SGK3: variants seen among roughly 807,000 people sequenced by gnomAD.
SGK3 encodes serine/threonine-protein kinase Sgk3.
A neutral mutation model predicts 68.5 loss-of-function variants in SGK3; 47 were observed. The observed-to-expected ratio is 0.69, with a 90% CI of 0.54 to 0.87. The LOEUF is 0.87. Ranked by LOEUF, SGK3 falls within the 40% of genes least tolerant of loss-of-function variation. The probability of loss-of-function intolerance (pLI) is 0.00; values close to 1 mark genes in which losing one functional copy is unlikely to be tolerated. For missense variants in SGK3, 479 were observed against 575.5 expected, an observed-to-expected ratio of 0.83 and a Z score of 1.72; for synonymous variants, 181 against 189.1, an observed-to-expected ratio of 0.96 and a Z score of 0.35.
intron 2 of SGK3, among the ~76,000 whole-genome samples, 184 bp from the exon 3 acceptor site, chr8:66,798,358 G>T (rs543939595): frequency 6.6e-6 from 1 of 151,124 alleles, no homozygotes; most frequent in South Asian, 2.1e-4. Context: ...GTATGTTTAT[G>T]TATCTTAGAG....
At chr8:66,757,538 G>C (rs1274617350) in intron 1 of SGK3, among the ~76,000 whole-genome samples, 1 of 151,836 alleles carries the variant, frequency 6.6e-6, no homozygotes, top group Non-Finnish European at 1.5e-5. Context: ...AAAAATTACT[G>C]AGTACCCCAA....
At chr8:66,818,029 GA>G (rs1808663828) in intron 5 of SGK3, among the ~76,000 whole-genome samples, 2 of 152,074 alleles carry the variant, frequency 1.3e-5, no homozygotes, top group Non-Finnish European at 2.9e-5. Context: ...TGAGGTAGGA[GA>G]ATCACCCGAG....
intron 1 of SGK3, among the ~76,000 whole-genome samples, chr8:66,742,471 A>T (rs1805511317): frequency 6.6e-6 from 1 of 152,062 alleles, no homozygotes; most frequent in African/African-American, 2.4e-5. Flanking sequence ...GCCCCAAGGG[A>T]TCCTCCCACC....
chr8:66,852,985 C>G (rs1381159015), intron 16 of SGK3, among the ~76,000 whole-genome samples: 1 of 152,202 alleles, frequency 6.6e-6, no homozygotes, highest in African/African-American at 2.4e-5. Context: ...ACTCAGATAG[C>G]TCCAGCATTG....
intron 1 of SGK3, among the ~76,000 whole-genome samples, chr8:66,764,293 C>T (rs751172708): frequency 6.6e-6 from 1 of 151,754 alleles, no homozygotes; most frequent in Non-Finnish European, 1.5e-5. Context: ...GAAAGATATC[C>T]TTTATTTTGA....
Position 66,726,801 on chromosome 8 carries a change from TAAAAAA to T in SGK3, c.-122+13985_-122+13990del, listed in dbSNP as rs560794837. Among the ~76,000 whole-genome samples the T allele has an allele frequency of 8.4e-3, 680 of 80,972 alleles. 17 individuals are homozygous for T. The highest frequency in any genetic ancestry group is 0.035 in the African/African-American group (610 of 17,314). 53.1% of individuals were successfully genotyped at this position (80,972 alleles called of 152,430 possible). ...GAATGACAGAGCAAGACCCTGTCTG[TAAAAAA>T]AAAAAAAAAAAAAAAAGATTTAAAA... is the stretch of plus-strand genomic sequence containing the variant. On this transcript the variant is annotated intron_variant, in intron 1 of 16. Coordinates refer to ENST00000521198, the MANE Select transcript of SGK3 (RefSeq NM_001033578.3).
intron 1 of SGK3, 115 bp from the exon 2 acceptor site, chr8:66,793,501 G>A: frequency 2.9e-6 from 1 of 348,114 alleles, no homozygotes; most frequent in Non-Finnish European, 5.4e-6. Context: ...AGACTGATGA[G>A]CAAAAGTAGG....
chr8:66,839,867 G>A, intron 10 of SGK3, 136 bp from the exon 11 acceptor site: 1 of 759,968 alleles, frequency 1.3e-6, no homozygotes, highest in Non-Finnish European at 2.1e-6. Flanking sequence ...TCTGTGCCTT[G>A]TTAACATTTT....
In SGK3 at chr8:66,843,495, C is replaced by T. The variant is rs1244857651; in HGVS notation, c.1022C>T (p.Thr341Ile). ...EVIRKQPYDNTVDWWCLGAVL... is the reference protein window; with the variant it reads ...EVIRKQPYDNIVDWWCLGAVL... ...ATTAGAAAACAGCCCTATGACAATA[C>T]TGTAGATTGGTGGTGCCTTGGGGCT... The change falls in exon 14 of 17, where the codon ACT becomes ATT. Residue 341 changes from threonine (T) to isoleucine (I), a missense_variant. Thr to Ile is a moderately conservative substitution (Grantham distance 89, BLOSUM62 -1). Transcript: ENST00000521198. 5 of 1,613,970 alleles carry T rather than the reference C, an allele frequency of 3.1e-6. No homozygotes were observed. Among genetic ancestry groups the T allele is most frequent in the Non-Finnish European group, 4.2e-6 (5 of 1,180,008 alleles).
chr8:66,760,359 G>T (rs1422760891), intron 1 of SGK3, among the ~76,000 whole-genome samples: 1 of 139,372 alleles, frequency 7.2e-6, no homozygotes, highest in African/African-American at 2.7e-5. Flanking sequence ...TTTTGAGACG[G>T]AGTCTTGCCC....
intron 1 of SGK3, among the ~76,000 whole-genome samples, chr8:66,774,363 A>G (rs1440549008): frequency 1.3e-5 from 2 of 151,978 alleles, no homozygotes; most frequent in Non-Finnish European, 2.9e-5. Context: ...GGGTCTTGCT[A>G]TGAGGTCCAG....
chr8:66,809,355 A>G (rs1008534578), intron 4 of SGK3, among the ~76,000 whole-genome samples: 3 of 152,178 alleles, frequency 2.0e-5, no homozygotes, highest in Non-Finnish European at 4.4e-5. Flanking sequence ...AATGTACAAG[A>G]TGATCTCAGG....
intron 1 of SGK3, among the ~76,000 whole-genome samples, chr8:66,713,925 C>G (rs1804564438): frequency 6.6e-6 from 1 of 152,122 alleles, no homozygotes; most frequent in Non-Finnish European, 1.5e-5. Context: ...CAGCATTTCC[C>G]TGGGGTAAGG....
intron 1 of SGK3, among the ~76,000 whole-genome samples, chr8:66,724,445 G>A (rs996063836): frequency 5.3e-5 from 8 of 152,146 alleles, no homozygotes; most frequent in Non-Finnish European, 1.0e-4. Flanking sequence ...GTGTGGTGGC[G>A]GACACCTGTA....
chr8:66,778,454 G>C (rs1441447305), intron 1 of SGK3, among the ~76,000 whole-genome samples: 1 of 152,060 alleles, frequency 6.6e-6, no homozygotes, highest in Non-Finnish European at 1.5e-5. Context: ...CCGCCACCAC[G>C]CTCGGCTAAT....
intron 1 of SGK3, chr8:66,775,208 G>A (rs1806650814): frequency 1.3e-5 from 2 of 152,360 alleles, no homozygotes; most frequent in African/African-American, 4.8e-5. Context: ...CCCCCGCAGG[G>A]AGCGCAGCTG....
At chr8:66,823,255 C>T (rs1276264338) in intron 6 of SGK3, among the ~76,000 whole-genome samples, 1 of 152,210 alleles carries the variant, frequency 6.6e-6, no homozygotes, top group Non-Finnish European at 1.5e-5. Context: ...TTACATCCCA[C>T]TTACTCTGCA....
intron 1 of SGK3, among the ~76,000 whole-genome samples, chr8:66,767,038 T>C (rs1806340833): frequency 6.6e-6 from 1 of 152,208 alleles, no homozygotes; most frequent in Non-Finnish European, 1.5e-5. Flanking sequence ...AGAGACAGGA[T>C]TTCTCCATGT....
At chr8:66,715,513 A>C (rs1353672423) in intron 1 of SGK3, among the ~76,000 whole-genome samples, 1 of 152,190 alleles carries the variant, frequency 6.6e-6, no homozygotes, top group Non-Finnish European at 1.5e-5. Flanking sequence ...TTGGCCTCCC[A>C]AAGTGTTGGG....
Sources: allele counts gnomAD v4.1 joint callset (sites outside exome capture counted in the v4.1 genomes callset), GRCh38; gene constraint gnomAD v4.1.1; transcripts MANE v1.5; gene names NCBI Gene and HGNC (gene_info 2026-07-23, HGNC 2026-07-21).